SLC5A10: variants seen among roughly 807,000 people sequenced by gnomAD.
SLC5A10 encodes solute carrier family 5 member 10.
Under a neutral mutation model 68.9 loss-of-function variants are expected in SLC5A10, and 55 were observed. The observed-to-expected ratio is 0.80, with a 90% CI of 0.64 to 1.00. The LOEUF (loss-of-function observed/expected upper bound fraction) is 1.00, where lower values mean the gene tolerates loss of function less well. Among genes scored for constraint, SLC5A10 ranks in the 50% least tolerant of loss-of-function variants. The pLI is 0.00. For missense variants in SLC5A10, 732 were observed against 819.3 expected, an observed-to-expected ratio of 0.89 and a Z score of 1.30; for synonymous variants, 344 against 344.8, an observed-to-expected ratio of 1.00 and a Z score of 0.02.
intron 5 of SLC5A10, among the ~76,000 whole-genome samples, chr17:18,961,448 C>T (rs757537129): frequency 1.2e-4 from 18 of 152,216 alleles, no homozygotes; most frequent in South Asian, 6.2e-4. Context: ...TAAGGAGGGG[C>T]GGCAGACCTT....
At position 19,020,596 on chromosome 17, in the gene SLC5A10, T is replaced by C; in HGVS notation, c.*165T>C. On this transcript the variant is annotated 3_prime_UTR_variant, in exon 15 of 15. Transcript: ENST00000395645. ...CAGCAAAGCGGGAGCCCTGAAAAATTAGGGGGGAAATGGGAGAAAATAATG... is the reference window on the plus strand; with the variant it reads ...CAGCAAAGCGGGAGCCCTGAAAAATCAGGGGGGAAATGGGAGAAAATAATG... 3.3e-6 allele frequency: 2 copies of C among 611,098 alleles called. No homozygotes were observed. Among genetic ancestry groups the C allele is most frequent in the Non-Finnish European group, 5.7e-6 (2 of 349,140 alleles). The allele number at this position is 611,098 out of a possible 1,614,324, so 37.9% of individuals were successfully genotyped here.
Position 19,002,485 on chromosome 17 carries a change from T to C in SLC5A10, c.983-10925T>C, listed in dbSNP as rs74828898. On this transcript the variant is annotated intron_variant, in intron 9 of 14. Coordinates refer to ENST00000395645, the MANE Select transcript of SLC5A10 (RefSeq NM_001042450.4). ...GGTCCCCGAAGCCAGCATTCTGGTC[T>C]TCTGCAATTGGCTGCCCTGCTCTGG... 0.011 allele frequency among the ~76,000 whole-genome samples: 1,643 copies of C among 152,374 alleles called. 117 individuals are homozygous for C. In the East Asian group the frequency reaches 0.19, roughly 18 times the overall value.
In SLC5A10 at chr17:19,003,690, C is replaced by G; in HGVS notation, c.983-9720C>G. The G allele has an allele frequency of 6.2e-7, 1 of 1,608,958 alleles. No homozygotes were observed. Among genetic ancestry groups the G allele is most frequent in the Non-Finnish European group, 8.5e-7 (1 of 1,177,648 alleles). ...CGGTCCGACTTCTGGGGCCAGTACT[C>G]CAGGGAGGGCAGCGGCTCGGCCTCG... On this transcript the variant is annotated intron_variant, in intron 9 of 14. Coordinates refer to ENST00000395645, the MANE Select transcript of SLC5A10 (RefSeq NM_001042450.4). The surrounding 1 kb of genome is among the most constrained non-coding windows in gnomAD (Gnocchi z 4.5).
chr17:18,957,291 G>A (rs896650796), intron 1 of SLC5A10, among the ~76,000 whole-genome samples: 3 of 152,088 alleles, frequency 2.0e-5, no homozygotes, highest in South Asian at 2.1e-4. Flanking sequence ...ACTCTCAGAC[G>A]TTCCGACTCC....
rs745820799 is a variant in SLC5A10, at chr17:19,015,055, G to T, written c.1097G>T (p.Arg366Leu). The T allele has an allele frequency of 2.0e-5, 32 of 1,613,162 alleles. No homozygotes were observed. Among genetic ancestry groups the T allele is most frequent in the Non-Finnish European group, 2.7e-5 (32 of 1,179,418 alleles). Reference protein sequence around the residue: ...LVMELMPIGLRGLMIAVMLAA... With the variant: ...LVMELMPIGLLGLMIAVMLAA... ...ATCCCCCGTCCCACCCCAGGTCTGCGGGGGCTGATGATCGCAGTGATGCTG... is the reference window on the plus strand; with the variant it reads ...ATCCCCCGTCCCACCCCAGGTCTGCTGGGGCTGATGATCGCAGTGATGCTG... The change falls in exon 11 of 15, where the codon CGG becomes CTG. Residue 366 changes from arginine (R) to leucine (L), a missense_variant. Coordinates refer to ENST00000395645, the MANE Select transcript of SLC5A10 (RefSeq NM_001042450.4).
At position 19,003,396 on chromosome 17, in the gene SLC5A10, G is replaced by C; in HGVS notation, c.983-10014G>C. 1 of 1,076,596 alleles carries C rather than the reference G, an allele frequency of 9.3e-7. No individual in the cohort carries two copies. The highest frequency in any genetic ancestry group is 1.2e-6 in the Non-Finnish European group (1 of 810,810). The allele number at this position is 1,076,596 out of a possible 1,614,324, so 66.7% of individuals were successfully genotyped here. A position where few individuals can be genotyped will look rare whatever the true frequency, so the allele number is the denominator to read the frequency against. On this transcript the variant is annotated intron_variant, in intron 9 of 14. Coordinates refer to ENST00000395645, the MANE Select transcript of SLC5A10 (RefSeq NM_001042450.4). The surrounding 1 kb of genome is among the most constrained non-coding windows in gnomAD (Gnocchi z 4.5). ...AACCTCCACCCAAGAGGCAGCCAGG[G>C]AAAACAGCAGAGATCCCTAGAAGCC...
rs1283892709 is a variant in SLC5A10 at position 19,019,552 on chromosome 17, CTT to C, written c.1373_1374del (p.Phe458CysfsTer86). ...SSLAPPVTAV[F>X]VLGVFWRRAN... ...CCCTGGCCCCACCAGTGACTGCAGT[CTT>C]TGTCCTGGGCGTCTTCTGGCGACGT... is the stretch of plus-strand genomic sequence containing the variant. On this transcript the variant is annotated frameshift_variant, in exon 12 of 15. Coordinates refer to ENST00000395645, the MANE Select transcript of SLC5A10 (RefSeq NM_001042450.4). LOFTEE classifies it high-confidence loss of function. 2.2e-5 allele frequency: 36 copies of C among 1,612,236 alleles called. No homozygotes were observed. The highest frequency in any genetic ancestry group is 3.0e-5 in the Non-Finnish European group (35 of 1,179,984).
chr17:19,001,856 C>T (rs1053065485), intron 9 of SLC5A10, among the ~76,000 whole-genome samples: 1 of 152,184 alleles, frequency 6.6e-6, no homozygotes, highest in African/African-American at 2.4e-5. Flanking sequence ...TCCTTCCTGT[C>T]GCTGACAAGG....
intron 9 of SLC5A10, chr17:18,988,296 T>C: frequency 6.2e-7 from 1 of 1,614,160 alleles, no homozygotes; most frequent in Middle Eastern, 1.6e-4. Flanking sequence ...GTGCAGGAAG[T>C]ACTTGACGTT....
chr17:18,971,121 T>C lies in SLC5A10; in HGVS notation c.749T>C (p.Met250Thr), dbSNP rs768299765. 1.4e-5 allele frequency: 23 copies of C among 1,613,960 alleles called. 1 individual carries two copies. The highest frequency in any genetic ancestry group is 3.3e-5 in the South Asian group (3 of 91,090). Residue 250 changes from methionine to threonine, a missense_variant, in exon 8 of 15, where the codon ATG (methionine) becomes ACG (threonine). Coordinates refer to ENST00000395645, the MANE Select transcript of SLC5A10 (RefSeq NM_001042450.4). The surrounding 1 kb of genome is among the most constrained non-coding windows in gnomAD (Gnocchi z 5.5). ...TGCCACCTGCCACGTACAGACGCCATGCACATGTTTCGAGACCCCCACACA... is the reference window on the plus strand; with the variant it reads ...TGCCACCTGCCACGTACAGACGCCACGCACATGTTTCGAGACCCCCACACA... The part of the protein sequence containing the change: ...TTCHLPRTDA[M>T]HMFRDPHTGD...
chr17:18,990,153 T>G (rs2043377488), intron 9 of SLC5A10, among the ~76,000 whole-genome samples: 1 of 152,170 alleles, frequency 6.6e-6, no homozygotes, highest in Non-Finnish European at 1.5e-5. Context: ...GGGAAGCACT[T>G]GCTGCCCCCA....
chr17:18,971,735 T>C lies in SLC5A10; in HGVS notation c.846+517T>C. 1 of 1,568,192 alleles carries C rather than the reference T, an allele frequency of 6.4e-7. No individual in the cohort carries two copies. Among genetic ancestry groups the C allele is most frequent in the Non-Finnish European group, 8.7e-7 (1 of 1,155,204 alleles). ...CCCTGAGGCAGGGACCCTGTGATGATGAAACTGCTGGCCCTGGGAGAGAGA... is the reference window on the plus strand; with the variant it reads ...CCCTGAGGCAGGGACCCTGTGATGACGAAACTGCTGGCCCTGGGAGAGAGA... On this transcript the variant is annotated intron_variant, in intron 8 of 14. Coordinates refer to ENST00000395645, the MANE Select transcript of SLC5A10 (RefSeq NM_001042450.4). The surrounding 1 kb of genome is among the most constrained non-coding windows in gnomAD (Gnocchi z 5.5).
In SLC5A10 at chr17:19,019,526, T is replaced by C; in HGVS notation, c.1345T>C (p.Ser449Pro). 6.2e-7 allele frequency: 1 copy of C among 1,612,456 alleles called. No individual in the cohort carries two copies. Residue 449 changes from serine to proline, a missense_variant, in exon 12 of 15, where the codon TCC becomes CCC. Ser to Pro is a moderately conservative substitution (Grantham distance 74). Transcript: ENST00000395645. ...LFIYMQSVTSSLAPPVTAVFV... is the reference protein window; with the variant it reads ...LFIYMQSVTSPLAPPVTAVFV... ...CATCTACATGCAGTCAGTGACCAGC[T>C]CCCTGGCCCCACCAGTGACTGCAGT...
intron 9 of SLC5A10, among the ~76,000 whole-genome samples, chr17:18,993,986 C>T (rs79524186): frequency 0.083 from 12,685 of 152,234 alleles, 881 homozygotes; most frequent in African/African-American, 0.19. Flanking sequence ...AAGTCCCATC[C>T]CACCAGACCC....
At position 19,004,207 on chromosome 17, in the gene SLC5A10, G is replaced by A. The variant is rs1250814631; in HGVS notation, c.983-9203G>A. On this transcript the variant is annotated intron_variant, in intron 9 of 14. Transcript: ENST00000395645. This position sits in a 1 kb window ranked among gnomAD's most constrained non-coding sequence, Gnocchi z 5.4. Reference sequence around the variant, plus strand: ...CCTGATGAGCCCGGCTCGGCGGGGAGGGCGGGCCGCGCGGGGAGGGGCGGC... The same window carrying A: ...CCTGATGAGCCCGGCTCGGCGGGGAAGGCGGGCCGCGCGGGGAGGGGCGGC... 2 of 620,900 alleles carry A rather than the reference G, an allele frequency of 3.2e-6. No homozygotes were observed. Among genetic ancestry groups the A allele is most frequent in the Non-Finnish European group, 5.2e-6 (2 of 381,520 alleles). 38.5% of individuals were successfully genotyped at this position (620,900 alleles called of 1,614,324 possible).
At chr17:19,009,186 GTTGTTGT>G (rs980975943) in intron 9 of SLC5A10, among the ~76,000 whole-genome samples, 4 of 151,600 alleles carry the variant, frequency 2.6e-5, no homozygotes, top group African/African-American at 9.7e-5. Flanking sequence ...TTTTGTTGTT[GTTGTTGT>G]TTGTTTGTTT....
intron 9 of SLC5A10, among the ~76,000 whole-genome samples, chr17:18,997,199 G>A (rs1393975278): frequency 6.6e-6 from 1 of 152,224 alleles, no homozygotes; most frequent in Non-Finnish European, 1.5e-5. Flanking sequence ...TGACCAGGAG[G>A]CTCAGCCTAG....
intron 5 of SLC5A10, among the ~76,000 whole-genome samples, chr17:18,964,233 G>A (rs754788500): frequency 2.6e-5 from 4 of 152,158 alleles, no homozygotes; most frequent in Non-Finnish European, 5.9e-5. Flanking sequence ...CACATGCCTC[G>A]TGGGTCTAGG....
chr17:18,985,759 C>T (rs928477368), intron 9 of SLC5A10, among the ~76,000 whole-genome samples: 5 of 152,226 alleles, frequency 3.3e-5, no homozygotes, highest in Admixed American at 2.6e-4. Context: ...ACAGACTCTG[C>T]CACCTTCCCT....
Sources: gnomAD v4.1 joint callset for allele counts (sites outside exome capture counted in the v4.1 genomes callset) on GRCh38, gnomAD v4.1.1 for gene constraint, Gnocchi (gnomAD v3.1) non-coding constraint, MANE v1.5 for transcripts, NCBI Gene and HGNC (gene_info 2026-07-23, HGNC 2026-07-21) for gene names.